DYNC2H1: variants seen among roughly 807,000 people sequenced by gnomAD.
The protein encoded by DYNC2H1 is dynein cytoplasmic 2 heavy chain 1, also known as cytoplasmic dynein 2 heavy chain 1.
In DYNC2H1, 410 loss-of-function variants were observed where a neutral mutation model predicts 570.0. The ratio of observed to expected loss-of-function variants is 0.72; its 90% CI spans 0.66 to 0.78. The LOEUF (loss-of-function observed/expected upper bound fraction) is 0.78, where lower values mean the gene tolerates loss of function less well. DYNC2H1 is among the 30% of genes least tolerant of loss of function. DYNC2H1 has a pLI of 0.00. For synonymous variants in DYNC2H1, 1,688 were observed against 1,677.6 expected (o/e 1.01, Z -0.15); for missense variants, 4,865 against 5,046.4 (o/e 0.96, Z 1.09).
intron 54 of DYNC2H1, among the ~76,000 whole-genome samples, chr11:103,215,317 T>C (rs1167099860): frequency 6.6e-6 from 1 of 152,176 alleles, no homozygotes; most frequent in Non-Finnish European, 1.5e-5. Flanking sequence ...TGTTGAGGTA[T>C]GTTCCTCCAA....
intron 14 of DYNC2H1, 26 bp from the exon 15 acceptor site, chr11:103,134,295 G>A: frequency 6.2e-6 from 10 of 1,603,242 alleles, no homozygotes; most frequent in Non-Finnish European, 8.5e-6. Context: ...AATACTTTGA[G>A]ACTAGCATGC....
intron 88 of DYNC2H1, among the ~76,000 whole-genome samples, chr11:103,476,497 A>G (rs926326810): frequency 6.6e-5 from 10 of 152,204 alleles, no homozygotes; most frequent in Non-Finnish European, 1.0e-4. Context: ...ATATTAGCAT[A>G]TAAAGTGCTG....
At chr11:103,230,467 G>T (rs990745375) in intron 59 of DYNC2H1, among the ~76,000 whole-genome samples, 20 of 152,280 alleles carry the variant, frequency 1.3e-4, no homozygotes, top group African/African-American at 4.8e-4. Context: ...GTGCATAGAG[G>T]TTGATGGAGA....
rs540695316 is a variant in DYNC2H1, at chr11:103,179,025, G to T, written c.6140-1G>T. 6.2e-7 allele frequency: 1 copy of T among 1,600,998 alleles called. No homozygotes were observed. The highest frequency in any genetic ancestry group is 2.2e-5 in the East Asian group (1 of 44,634). On this transcript the variant is annotated splice_acceptor_variant, in intron 38 of 88. Coordinates refer to ENST00000375735, the MANE Select transcript of DYNC2H1 (RefSeq NM_001377.3). LOFTEE classifies it high-confidence loss of function. ...TCTCCACTGTTTTGATTTGAAAATA[G>T]ATGTCAGCTCATGGATAATCTGTGA...
intron 45 of DYNC2H1, 53 bp from the exon 46 acceptor site, chr11:103,191,464 A>G: frequency 7.2e-7 from 1 of 1,383,990 alleles, no homozygotes; most frequent in Non-Finnish European, 1.0e-6. Flanking sequence ...AATTTATAAC[A>G]TGATTATTAT....
At chr11:103,367,576 T>G (rs1182384423) in intron 83 of DYNC2H1, among the ~76,000 whole-genome samples, 2 of 152,084 alleles carry the variant, frequency 1.3e-5, no homozygotes, top group African/African-American at 4.8e-5. Context: ...ACTAATGCAT[T>G]TATCATTTCT....
chr11:103,291,773 C>A (rs1591533228), intron 75 of DYNC2H1, among the ~76,000 whole-genome samples: 1 of 152,148 alleles, frequency 6.6e-6, no homozygotes, highest in East Asian at 1.9e-4. Context: ...TTCTTAAATT[C>A]TGCTGAATTG....
intron 69 of DYNC2H1, among the ~76,000 whole-genome samples, chr11:103,259,156 G>A (rs759141970): frequency 3.9e-5 from 6 of 152,052 alleles, no homozygotes; most frequent in Non-Finnish European, 5.9e-5. Context: ...AAGGAAGCAA[G>A]CAAATTTAGT....
intron 82 of DYNC2H1, among the ~76,000 whole-genome samples, chr11:103,354,838 A>G (rs1055353556): frequency 2.7e-5 from 4 of 147,946 alleles, no homozygotes; most frequent in East Asian, 4.0e-4. Context: ...ATGTTCTCCA[A>G]TTACATTGTG....
intron 87 of DYNC2H1, among the ~76,000 whole-genome samples, chr11:103,457,987 G>A (rs908323786): frequency 5.3e-5 from 8 of 152,222 alleles, no homozygotes; most frequent in Non-Finnish European, 1.0e-4. Flanking sequence ...GTAAGCTAAG[G>A]TTAATTATTG....
rs60800710 is a variant in DYNC2H1 at position 103,215,670 on chromosome 11, G to GTA, written c.8695-50_8695-49insAT. ...TTCTATAGGGCTTTATTTACTGTGT[G>GTA]TGTAAAATTCCTTTTTTAAAATATT... On this transcript the variant is annotated intron_variant, in intron 54 of 88. Coordinates refer to ENST00000375735, the MANE Select transcript of DYNC2H1 (RefSeq NM_001377.3). 0.92 allele frequency: 1,364,922 copies of GTA among 1,476,790 alleles called. 631,404 individuals are homozygous for GTA. Among genetic ancestry groups the GTA allele is most frequent in the Admixed American group, 0.95 (41,025 of 43,244 alleles). The allele number at this position is 1,476,790 out of a possible 1,614,324, so 91.5% of individuals were successfully genotyped here.
intron 54 of DYNC2H1, 86 bp from the exon 55 acceptor site, chr11:103,215,635 C>A: frequency 7.5e-7 from 1 of 1,331,888 alleles, no homozygotes; most frequent in Non-Finnish European, 9.8e-7. Flanking sequence ...AACATGTTTG[C>A]TTGATTCTTT....
chr11:103,155,742 T>C (rs912366855), intron 25 of DYNC2H1, among the ~76,000 whole-genome samples: 3 of 152,156 alleles, frequency 2.0e-5, no homozygotes, highest in African/African-American at 7.2e-5. Context: ...GCTAATCACT[T>C]TTAGAAAAGC....
rs980714180 is a variant in DYNC2H1, at chr11:103,319,748, C to T, written c.11726-1281C>T. ...TTTCTGTTTTATAAGTTGAAAGATACACTAATATGTCTGTATTCCTTAATG... is the reference window on the plus strand; with the variant it reads ...TTTCTGTTTTATAAGTTGAAAGATATACTAATATGTCTGTATTCCTTAATG... On this transcript the variant is annotated intron_variant, in intron 80 of 88. Transcript: ENST00000375735. This position sits in a 1 kb window ranked among gnomAD's most constrained non-coding sequence, Gnocchi z 4.3. Among the ~76,000 whole-genome samples the T allele has an allele frequency of 1.3e-5, 2 of 152,074 alleles. No homozygotes were observed. The highest frequency in any genetic ancestry group is 4.8e-5 in the African/African-American group (2 of 41,414).
At chr11:103,336,138 C>T (rs1026170049) in intron 82 of DYNC2H1, among the ~76,000 whole-genome samples, 2 of 152,024 alleles carry the variant, frequency 1.3e-5, no homozygotes, top group Non-Finnish European at 2.9e-5. Context: ...GCAAAGTATT[C>T]TTCTCTTGTT....
Position 103,121,510 on chromosome 11 carries a change from T to C in DYNC2H1, c.1485+14T>C. ...TTGGAATTGAAGGTATTTATTTTAA[T>C]AAAAGATGAAGAGTACTAATTATAA... is the stretch of plus-strand genomic sequence containing the variant. On this transcript the variant is annotated intron_variant, in intron 10 of 88. Transcript: ENST00000375735. 1 of 1,610,214 alleles carries C rather than the reference T, an allele frequency of 6.2e-7. No homozygotes were observed. Among genetic ancestry groups the C allele is most frequent in the South Asian group, 1.1e-5 (1 of 89,966 alleles).
intron 84 of DYNC2H1, among the ~76,000 whole-genome samples, chr11:103,433,038 T>A (rs915371565): frequency 6.6e-6 from 1 of 152,166 alleles, no homozygotes; most frequent in African/African-American, 2.4e-5. Flanking sequence ...TATAATTTAT[T>A]CATAAAGCAC....
intron 59 of DYNC2H1, among the ~76,000 whole-genome samples, chr11:103,225,261 TC>T (rs549492313): frequency 1.9e-3 from 297 of 152,326 alleles, no homozygotes; most frequent in African/African-American, 6.9e-3. Flanking sequence ...TTTAATTAAG[TC>T]CCGTCTGTTT....
chr11:103,165,321 G>T (rs977416905), intron 30 of DYNC2H1, among the ~76,000 whole-genome samples: 1 of 152,072 alleles, frequency 6.6e-6, no homozygotes. Context: ...TAGAGACGGG[G>T]TTTCTCCATG....
Sources: gnomAD v4.1 joint callset for allele counts (sites outside exome capture counted in the v4.1 genomes callset) on GRCh38, gnomAD v4.1.1 for gene constraint, Gnocchi (gnomAD v3.1) non-coding constraint, MANE v1.5 for transcripts, NCBI Gene and HGNC (gene_info 2026-07-23, HGNC 2026-07-21) for gene names.